The following SAMMSON variants were observed in gnomAD, a reference collection of about 807,000 sequenced individuals.
The protein encoded by SAMMSON is survival associated mitochondrial melanoma specific oncogenic non-coding RNA.
rs1006339138 is a variant in SAMMSON at position 70,430,943 on chromosome 3, G to C, written n.234-31617G>C. On this transcript the variant is annotated intron_variant and non_coding_transcript_variant, in intron 2 of 3. Transcript: ENST00000641053. ...TAATTCAATACTGGGCTCTCATTCA[G>C]TTACTTTTTTTCACCTGAGAAATTA... is the stretch of plus-strand genomic sequence containing the variant. 2.6e-5 allele frequency among the ~76,000 whole-genome samples: 4 copies of C among 152,014 alleles called. 1 individual carries two copies. Among genetic ancestry groups the C allele is most frequent in the Admixed American group, 2.6e-4 (4 of 15,264 alleles).
chr3:70,086,218 T>G (rs1342396619), intron 4 of SAMMSON, among the ~76,000 whole-genome samples: 1 of 152,172 alleles, frequency 6.6e-6, no homozygotes, highest in Non-Finnish European at 1.5e-5. Context: ...ATGGCTTGCC[T>G]TCTCTCTTCT....
chr3:70,372,037 T>A (rs1357384628), intron 9 of SAMMSON, among the ~76,000 whole-genome samples: 1 of 152,148 alleles, frequency 6.6e-6, no homozygotes, highest in Non-Finnish European at 1.5e-5. Flanking sequence ...AGAGTTTTTG[T>A]CATAAGACAG....
chr3:70,344,486 T>TCACCATCCTTCAAGTCTGCATG (rs1702734997), intron 7 of SAMMSON, among the ~76,000 whole-genome samples: 3 of 152,084 alleles, frequency 2.0e-5, no homozygotes, highest in Non-Finnish European at 2.9e-5. Flanking sequence ...ACCCCTGCAT[T>TCACCATCCTTCAAGTCTGCATG]CACCATCCTT....
At chr3:70,418,125 C>A (rs1701280294) in intron 2 of SAMMSON, among the ~76,000 whole-genome samples, 2 of 152,186 alleles carry the variant, frequency 1.3e-5, no homozygotes, top group African/African-American at 4.8e-5. Flanking sequence ...ATCATGCTGA[C>A]TAGTGTTGAC....
At chr3:70,035,761 A>G (rs2067083089) in intron 3 of SAMMSON, among the ~76,000 whole-genome samples, 2 of 152,186 alleles carry the variant, frequency 1.3e-5, no homozygotes, top group African/African-American at 4.8e-5. Flanking sequence ...GGGTCTAGTC[A>G]TTTTCAAACT....
chr3:70,208,449 T>C (rs1023337876), intron 4 of SAMMSON, among the ~76,000 whole-genome samples: 65 of 152,198 alleles, frequency 4.3e-4, no homozygotes, highest in African/African-American at 1.4e-3. Flanking sequence ...TCTAAGGCAA[T>C]GGGTTCTAGA....
intron 4 of SAMMSON, chr3:70,126,510 G>C: frequency 1.6e-6 from 1 of 621,278 alleles, no homozygotes; most frequent in South Asian, 1.7e-5. Context: ...AGCTCAGCTG[G>C]CAGGTGCCTC....
Position 70,344,420 on chromosome 3 carries a change from T to C in SAMMSON, n.740-9755T>C, listed in dbSNP as rs189715039. On this transcript the variant is annotated intron_variant and non_coding_transcript_variant, in intron 7 of 9. Coordinates refer to ENST00000642114, the Ensembl canonical transcript of SAMMSON. ...AGGGCAAGATCATCTTCCCACTCCA[T>C]CCCCCTTCCAGTTCCCCATCCATCC... Among the ~76,000 whole-genome samples, 271 of 152,058 alleles carry C rather than the reference T, an allele frequency of 1.8e-3. 1 individual carries two copies. Among genetic ancestry groups the C allele is most frequent in the Middle Eastern group, 3.4e-3 (1 of 294 alleles).
intron 1 of SAMMSON, chr3:69,999,926 G>A (rs1235401515): frequency 6.6e-6 from 1 of 152,374 alleles, no homozygotes; most frequent in Non-Finnish European, 1.5e-5. Flanking sequence ...CCCTACTCCA[G>A]GGGAAAACCA....
At chr3:70,427,225 T>G (rs1425218300) in intron 2 of SAMMSON, among the ~76,000 whole-genome samples, 1 of 152,182 alleles carries the variant, frequency 6.6e-6, no homozygotes, top group African/African-American at 2.4e-5. Flanking sequence ...AGACAGGATT[T>G]TCTACATTCA....
intron 4 of SAMMSON, among the ~76,000 whole-genome samples, chr3:70,192,962 G>T (rs892618946): frequency 6.6e-6 from 1 of 152,072 alleles, no homozygotes; most frequent in African/African-American, 2.4e-5. Context: ...GTGCCTTACG[G>T]ATGTTTAGCA....
intron 4 of SAMMSON, among the ~76,000 whole-genome samples, chr3:70,238,369 G>A (rs1183349132): frequency 6.6e-6 from 1 of 152,042 alleles, no homozygotes; most frequent in African/African-American, 2.4e-5. Context: ...ACATTTTGGG[G>A]AGGCTGAGGC....
In SAMMSON at chr3:70,297,821, C is replaced by G. The variant is rs913570835; in HGVS notation, n.739+6578C>G. On this transcript the variant is annotated intron_variant and non_coding_transcript_variant, in intron 7 of 9. Coordinates refer to ENST00000642114, the Ensembl canonical transcript of SAMMSON. ...AAAAAGTGTTATTATCATAAACTCA[C>G]AGGCTTCTGACCACAGAAGTACAAT... Among the ~76,000 whole-genome samples the G allele has an allele frequency of 9.4e-4, 143 of 152,166 alleles. 2 individuals are homozygous for G. The highest frequency in any genetic ancestry group is 3.4e-3 in the African/African-American group (141 of 41,542).
chr3:70,361,517 C>T (rs1702870351), intron 9 of SAMMSON, among the ~76,000 whole-genome samples: 1 of 152,164 alleles, frequency 6.6e-6, no homozygotes, highest in African/African-American at 2.4e-5. Flanking sequence ...CAACAAGCCC[C>T]TTCCCCACTC....
chr3:70,371,712 A>T (rs181180197), intron 9 of SAMMSON, among the ~76,000 whole-genome samples: 103 of 152,182 alleles, frequency 6.8e-4, no homozygotes, highest in African/African-American at 2.4e-3. Flanking sequence ...AAATTCATTT[A>T]TCAAATCTAA....
At chr3:70,386,042 T>C (rs1465452006) in intron 9 of SAMMSON, among the ~76,000 whole-genome samples, 1 of 151,738 alleles carries the variant, frequency 6.6e-6, no homozygotes, top group Non-Finnish European at 1.5e-5. Flanking sequence ...GCTAGGAGAG[T>C]TCTTCGCTGT....
chr3:70,367,843 C>T (rs764501355), intron 9 of SAMMSON, among the ~76,000 whole-genome samples: 1 of 151,594 alleles, frequency 6.6e-6, no homozygotes, highest in Non-Finnish European at 1.5e-5. Context: ...TTCCCACTAA[C>T]AGTGTACTAG....
chr3:70,374,709 A>G (rs1702997880), intron 9 of SAMMSON, among the ~76,000 whole-genome samples: 1 of 152,114 alleles, frequency 6.6e-6, no homozygotes, highest in Non-Finnish European at 1.5e-5. Flanking sequence ...ATACCACTAC[A>G]GTGGGGTCAT....
chr3:70,302,044 C>T (rs533932016), intron 7 of SAMMSON, among the ~76,000 whole-genome samples: 2 of 152,128 alleles, frequency 1.3e-5, no homozygotes, highest in South Asian at 4.1e-4. Context: ...AGAAGAATTG[C>T]CTGATGTCTT....
Sources: allele counts gnomAD v4.1 joint callset (sites outside exome capture counted in the v4.1 genomes callset), GRCh38; gene constraint gnomAD v4.1.1; transcripts MANE v1.5; gene names NCBI Gene and HGNC (gene_info 2026-07-23, HGNC 2026-07-21).